Variants in DACH2 observed in about 807,000 individuals in gnomAD.
DACH2 encodes dachshund family transcription factor 2.
DACH2 carries 17 observed loss-of-function variants against 35.8 expected under a neutral mutation model. That is an observed-to-expected ratio of 0.48 (90% CI 0.33 to 0.71). The LOEUF is 0.71. Among genes scored for constraint, DACH2 ranks in the 30% least tolerant of loss-of-function variants. DACH2 has a pLI of 0.02. For synonymous variants in DACH2, 195 were observed against 177.3 expected, an observed-to-expected ratio of 1.10 and a Z score of -0.79; for missense variants, 469 against 472.7, an observed-to-expected ratio of 0.99 and a Z score of 0.07.
intron 4 of DACH2, among the ~76,000 whole-genome samples, chrX:86,667,357 G>GGA (rs1448960058): frequency 2.7e-4 from 18 of 66,776 alleles, no homozygotes; most frequent in African/African-American, 5.5e-4. Flanking sequence ...AAGGAAGGAA[G>GGA]AGGAAGGGAA....
chrX:86,502,055 T>TTCC (rs1569422551), intron 2 of DACH2, among the ~76,000 whole-genome samples: 4 of 77,412 alleles, frequency 5.2e-5, no homozygotes, highest in East Asian at 3.0e-4. Flanking sequence ...TCCTTCCTTC[T>TTCC]TTCTTTCCTT....
intron 1 of DACH2, among the ~76,000 whole-genome samples, chrX:86,299,895 G>A (rs1327279229): frequency 9.0e-6 from 1 of 111,351 alleles, no homozygotes; most frequent in Non-Finnish European, 1.9e-5. Flanking sequence ...GATTATCATT[G>A]TATTTTTTAA....
chrX:86,522,237 G>C (rs1054929547), intron 3 of DACH2, among the ~76,000 whole-genome samples: 2 of 111,442 alleles, frequency 1.8e-5, no homozygotes, highest in African/African-American at 6.5e-5. Context: ...TTAAATGTAT[G>C]AACAATAAGT....
At chrX:86,582,537 G>A (rs1407082737) in intron 3 of DACH2, among the ~76,000 whole-genome samples, 3 of 110,569 alleles carry the variant, frequency 2.7e-5, no homozygotes. Context: ...TGACCTTACA[G>A]AAATGCATGC....
intron 4 of DACH2, among the ~76,000 whole-genome samples, chrX:86,652,769 C>T (rs1407369845): frequency 8.9e-6 from 1 of 111,799 alleles, no homozygotes; most frequent in South Asian, 3.7e-4. Context: ...TGTTCATGTA[C>T]TTTGCCCACA....
intron 1 of DACH2, among the ~76,000 whole-genome samples, chrX:86,308,899 G>T (rs1286270794): frequency 9.0e-6 from 1 of 111,013 alleles, no homozygotes; most frequent in Non-Finnish European, 1.9e-5. Flanking sequence ...GACTTACAGT[G>T]GGTCCAATGA....
intron 3 of DACH2, among the ~76,000 whole-genome samples, chrX:86,546,454 C>CCTCTTT (rs2038972709): frequency 2.2e-5 from 2 of 90,295 alleles, no homozygotes; most frequent in Non-Finnish European, 4.3e-5. Flanking sequence ...TCTTCCTCTT[C>CCTCTTT]CTCTTCTACC....
chrX:86,519,321 C>T (rs1212409956), intron 3 of DACH2, among the ~76,000 whole-genome samples: 1 of 111,837 alleles, frequency 8.9e-6, no homozygotes, highest in Admixed American at 9.5e-5. Context: ...TGGATTTTTT[C>T]ATCGATGTTC....
intron 3 of DACH2, among the ~76,000 whole-genome samples, chrX:86,635,147 G>C (rs1178641469): frequency 9.0e-6 from 1 of 110,923 alleles, no homozygotes; most frequent in Non-Finnish European, 1.9e-5. Context: ...AAATTCTACA[G>C]CACATCAAAA....
At chrX:86,680,862 C>G (rs1203508595) in intron 4 of DACH2, among the ~76,000 whole-genome samples, 1 of 109,528 alleles carries the variant, frequency 9.1e-6, no homozygotes, top group African/African-American at 3.3e-5. Context: ...CTATGTTGCC[C>G]AGCCTGGTCT....
chrX:86,215,633 G>C (rs2032553431), intron 1 of DACH2, among the ~76,000 whole-genome samples: 1 of 111,439 alleles, frequency 9.0e-6, no homozygotes, highest in Admixed American at 9.6e-5. Context: ...TTGAGGTTGT[G>C]CCACTTCAAT....
intron 1 of DACH2, among the ~76,000 whole-genome samples, chrX:86,219,386 C>T (rs979164567): frequency 6.3e-5 from 7 of 110,937 alleles, no homozygotes; most frequent in African/African-American, 2.3e-4. Context: ...GGGGGTTTAT[C>T]GTACAGATTA....
intron 1 of DACH2, among the ~76,000 whole-genome samples, chrX:86,263,450 A>T (rs367572740): frequency 8.9e-6 from 1 of 111,797 alleles, no homozygotes; most frequent in South Asian, 3.7e-4. Context: ...CAACAAGTAG[A>T]TTAACAACAT....
chrX:86,367,654 T>C (rs1175101817), intron 1 of DACH2, among the ~76,000 whole-genome samples: 1 of 111,483 alleles, frequency 9.0e-6, no homozygotes, highest in Non-Finnish European at 1.9e-5. Context: ...AATTTGCTCA[T>C]GGTGACACGG....
At chrX:86,179,166 A>C in intron 1 of DACH2, among the ~76,000 whole-genome samples, 1 of 111,923 alleles carries the variant, frequency 8.9e-6, no homozygotes, top group East Asian at 2.8e-4. Flanking sequence ...TGTAGAATAA[A>C]ATTGATTGTC....
At chrX:86,686,417 G>GAGAT in intron 4 of DACH2, among the ~76,000 whole-genome samples, 1 of 109,595 alleles carries the variant, frequency 9.1e-6, no homozygotes, top group Middle Eastern at 4.6e-3. Context: ...ATTGTTAGTA[G>GAGAT]AGATAGGGTT....
chrX:86,396,941 C>G (rs866022288), intron 2 of DACH2, among the ~76,000 whole-genome samples: 2 of 110,997 alleles, frequency 1.8e-5, no homozygotes, highest in African/African-American at 6.6e-5. Flanking sequence ...TCATTGGTAG[C>G]TTGATGGGGA....
chrX:86,646,416 A>C (rs190836626), intron 3 of DACH2, among the ~76,000 whole-genome samples: 131 of 110,725 alleles, frequency 1.2e-3, no homozygotes, highest in African/African-American at 3.1e-3. Context: ...ATAAAACTGC[A>C]CTGGTAACCC....
At chrX:86,547,550 C>A (rs1418463450) in intron 3 of DACH2, among the ~76,000 whole-genome samples, 1 of 109,716 alleles carries the variant, frequency 9.1e-6, no homozygotes, top group Non-Finnish European at 1.9e-5. Context: ...CACACACACA[C>A]ACACACACAC....
Sources: allele counts gnomAD v4.1 joint callset (sites outside exome capture counted in the v4.1 genomes callset), GRCh38; gene constraint gnomAD v4.1.1; transcripts MANE v1.5; gene names NCBI Gene and HGNC (gene_info 2026-07-23, HGNC 2026-07-21).